Variants in SH3BP5 observed in about 807,000 individuals in gnomAD.
SH3BP5 encodes the protein SH3 domain-binding protein 5.
In SH3BP5, 22 loss-of-function variants were observed where a neutral mutation model predicts 43.3. That is an observed-to-expected ratio of 0.51 (90% CI 0.36 to 0.73). The LOEUF (loss-of-function observed/expected upper bound fraction) is 0.73, where lower values mean the gene tolerates loss of function less well. Among genes scored for constraint, SH3BP5 ranks in the 30% least tolerant of loss-of-function variants. The pLI, the probability that SH3BP5 is intolerant of heterozygous loss-of-function variation, is 0.00. For missense variants in SH3BP5, 529 were observed against 586.9 expected (o/e 0.90, Z 1.02); for synonymous variants, 255 against 225.8 (o/e 1.13, Z -1.16).
Position 15,340,029 on chromosome 3 carries a change from A to G in SH3BP5, c.-402+1194T>C, listed in dbSNP as rs141165252. Among the ~76,000 whole-genome samples, 97 of 152,320 alleles carry G rather than the reference A, an allele frequency of 6.4e-4. No individual in the cohort carries two copies. In the East Asian group the frequency reaches 0.014, roughly 23 times the overall value. On this transcript the variant is annotated intron_variant, in intron 1 of 8. Transcript: ENST00000408919. ...GAGAGAATACTTCTGTGTCCCGAGA[A>G]GAAAAATGACTCATCACCATGACCC...
At chr3:15,271,265 C>A (rs1696789763) in intron 3 of SH3BP5, among the ~76,000 whole-genome samples, 1 of 152,088 alleles carries the variant, frequency 6.6e-6, no homozygotes, top group Non-Finnish European at 1.5e-5. Flanking sequence ...GTATTCCCCA[C>A]TCCTTGGGAG....
chr3:15,263,343 C>T (rs1332008354), intron 4 of SH3BP5, among the ~76,000 whole-genome samples: 1 of 152,078 alleles, frequency 6.6e-6, no homozygotes, highest in Non-Finnish European at 1.5e-5. Flanking sequence ...CCACCAAAAC[C>T]AAGAACTAGG....
chr3:15,259,511 G>A, intron 6 of SH3BP5: 1 of 591,100 alleles, frequency 1.7e-6, no homozygotes, highest in East Asian at 2.9e-5. Flanking sequence ...TGATGCTGCT[G>A]GTCCTAAGAG....
chr3:15,330,326 TGCGTTCC>T, intron 2 of SH3BP5, among the ~76,000 whole-genome samples, 171 bp downstream of exon 2: 1 of 152,246 alleles, frequency 6.6e-6, no homozygotes, highest in Admixed American at 6.5e-5. Flanking sequence ...TGGATCCACA[TGCGTTCC>T]GCCCACAGGT....
At chr3:15,268,801 G>C (rs1180272875) in intron 4 of SH3BP5, among the ~76,000 whole-genome samples, 1 of 152,058 alleles carries the variant, frequency 6.6e-6, no homozygotes, top group East Asian at 1.9e-4. Context: ...AGGGCCTTTG[G>C]GAAGTGATGA....
intron 1 of SH3BP5, among the ~76,000 whole-genome samples, chr3:15,340,998 G>A (rs1253890793): frequency 6.6e-6 from 1 of 152,178 alleles, no homozygotes; most frequent in Non-Finnish European, 1.5e-5. Flanking sequence ...GTTGTGATGA[G>A]CCGAGAGCAC....
intron 3 of SH3BP5, among the ~76,000 whole-genome samples, chr3:15,290,403 G>A (rs1381440525): frequency 6.6e-6 from 1 of 151,688 alleles, no homozygotes; most frequent in Middle Eastern, 3.2e-3. Context: ...GCTCACGTCT[G>A]TAATCCCAGC....
At chr3:15,337,729 G>C (rs1698718231) in intron 1 of SH3BP5, among the ~76,000 whole-genome samples, 1 of 151,518 alleles carries the variant, frequency 6.6e-6, no homozygotes, top group Non-Finnish European at 1.5e-5. Context: ...AACATAGTAA[G>C]AGCCTCCCCA....
chr3:15,288,179 T>C lies in SH3BP5; in HGVS notation c.330+15924A>G, dbSNP rs76691957. On this transcript the variant is annotated intron_variant, in intron 3 of 8. Transcript: ENST00000383791. ...CTTTTGCTCTATTCAGACCTTTAAC[T>C]GATTGGATGAGGACCACCCACACTG... Among the ~76,000 whole-genome samples, 5 of 152,312 alleles carry C rather than the reference T, an allele frequency of 3.3e-5. No individual in the cohort carries two copies. The East Asian group carries it at 9.6e-4, about 29-fold the overall frequency.
rs1283660790 is a variant in SH3BP5 at position 15,256,746 on chromosome 3, A to G, written c.1150+107T>C. 1.8e-5 allele frequency: 22 copies of G among 1,246,864 alleles called. 1 individual carries two copies. The South Asian group carries it at 2.4e-4, about 14-fold the overall frequency. 77.2% of individuals were successfully genotyped at this position (1,246,864 alleles called of 1,614,324 possible). A position where few individuals can be genotyped will look rare whatever the true frequency, so the allele number is the denominator to read the frequency against. On this transcript the variant is annotated intron_variant, in intron 8 of 8. Coordinates refer to ENST00000383791, the MANE Select transcript of SH3BP5 (RefSeq NM_004844.5). Reference sequence around the variant, plus strand: ...GACAGCACAACCACAGAGACCTGGTAATGCAGCATGGGGGCCCTGAGACCT... The same window carrying G: ...GACAGCACAACCACAGAGACCTGGTGATGCAGCATGGGGGCCCTGAGACCT...
At chr3:15,288,130 C>T (rs962667793) in intron 3 of SH3BP5, among the ~76,000 whole-genome samples, 1 of 152,182 alleles carries the variant, frequency 6.6e-6, no homozygotes, top group African/African-American at 2.4e-5. Context: ...CTGCAGAATT[C>T]CCTCTTGCTC....
At chr3:15,311,302 A>G (rs546514222) in intron 2 of SH3BP5, among the ~76,000 whole-genome samples, 1 of 152,200 alleles carries the variant, frequency 6.6e-6, no homozygotes, top group African/African-American at 2.4e-5. Context: ...GCGGTGGCTC[A>G]CTCCTGTAAT....
intron 3 of SH3BP5, among the ~76,000 whole-genome samples, chr3:15,283,838 A>T (rs1406380791): frequency 6.6e-6 from 1 of 152,216 alleles, no homozygotes; most frequent in Non-Finnish European, 1.5e-5. Flanking sequence ...GAGGGAGGAT[A>T]AAGGAGCCAG....
At chr3:15,299,876 C>A (rs1175423473) in intron 3 of SH3BP5, among the ~76,000 whole-genome samples, 1 of 151,836 alleles carries the variant, frequency 6.6e-6, no homozygotes, top group Non-Finnish European at 1.5e-5. Flanking sequence ...ACATAAAAAA[C>A]CACCACTATG....
At chr3:15,300,534 A>AG (rs745959354) in intron 3 of SH3BP5, among the ~76,000 whole-genome samples, 1 of 152,068 alleles carries the variant, frequency 6.6e-6, no homozygotes, top group Admixed American at 6.5e-5. Context: ...GAAAACAGGA[A>AG]GTCCTACTTG....
Position 15,321,691 on chromosome 3 carries a change from C to T in SH3BP5, c.201+8813G>A, listed in dbSNP as rs191679610. Among the ~76,000 whole-genome samples, 12 of 151,966 alleles carry T rather than the reference C, an allele frequency of 7.9e-5. No homozygotes were observed. The East Asian group carries it at 2.3e-3, about 29-fold the overall frequency. Reference sequence around the variant, plus strand: ...GAGGGTACATTTTTCTAGAGCCAGGCTTCTCAAACAATGTGGTGATGGATC... The same window carrying T: ...GAGGGTACATTTTTCTAGAGCCAGGTTTCTCAAACAATGTGGTGATGGATC... On this transcript the variant is annotated intron_variant, in intron 2 of 8. Transcript: ENST00000383791.
chr3:15,265,560 A>ACACACACACACACACC (rs71045145), intron 4 of SH3BP5, among the ~76,000 whole-genome samples: 2 of 131,698 alleles, frequency 1.5e-5, no homozygotes, highest in African/African-American at 2.8e-5. Flanking sequence ...ACACACACAC[A>ACACACACACACACACC]ACCCTCCAGC....
chr3:15,292,441 T>C (rs967156790), intron 3 of SH3BP5, among the ~76,000 whole-genome samples: 2 of 152,188 alleles, frequency 1.3e-5, no homozygotes, highest in African/African-American at 4.8e-5. Flanking sequence ...GGGCAGCTCC[T>C]CCAGCCCAGT....
intron 2 of SH3BP5, among the ~76,000 whole-genome samples, chr3:15,310,899 C>T (rs962755588): frequency 3.3e-5 from 5 of 152,116 alleles, no homozygotes; most frequent in Non-Finnish European, 2.9e-5. Flanking sequence ...TCAAGCTAAA[C>T]CACACCAGCC....
Sources: allele counts gnomAD v4.1 joint callset (sites outside exome capture counted in the v4.1 genomes callset), GRCh38; gene constraint gnomAD v4.1.1; transcripts MANE v1.5; gene names NCBI Gene and HGNC (gene_info 2026-07-23, HGNC 2026-07-21).